KDM4C: variants seen among roughly 807,000 people sequenced by gnomAD.
KDM4C encodes the protein lysine-specific demethylase 4C.
Under a neutral mutation model 129.3 loss-of-function variants are expected in KDM4C, and 81 were observed. The ratio of observed to expected loss-of-function variants is 0.63; its 90% CI spans 0.52 to 0.75. KDM4C has a LOEUF of 0.75. Among genes scored for constraint, KDM4C ranks in the 30% least tolerant of loss-of-function variants. The probability of loss-of-function intolerance (pLI) is 0.00; values close to 1 mark genes in which losing one functional copy is unlikely to be tolerated. For missense variants in KDM4C, 1,457 were observed against 1,304.0 expected, an observed-to-expected ratio of 1.12 and a Z score of -1.81; for synonymous variants, 573 against 456.1, an observed-to-expected ratio of 1.26 and a Z score of -3.26.
chr9:6,746,627 C>A (rs1393891664), intron 1 of KDM4C, among the ~76,000 whole-genome samples: 1 of 151,314 alleles, frequency 6.6e-6, no homozygotes, highest in African/African-American at 2.4e-5. Flanking sequence ...CGCCCGAAAT[C>A]CCAGCACTTT....
At chr9:6,764,330 ACT>A (rs1179632046) in intron 1 of KDM4C, among the ~76,000 whole-genome samples, 4 of 152,098 alleles carry the variant, frequency 2.6e-5, no homozygotes, top group African/African-American at 9.7e-5. Context: ...GTGCTAAATA[ACT>A]CTTTTCCCTT....
intron 1 of KDM4C, chr9:6,726,907 G>C (rs1040571446): frequency 6.6e-6 from 1 of 151,884 alleles, no homozygotes; most frequent in African/African-American, 2.4e-5. Context: ...GGCTAATTTT[G>C]TATTTTTAGT....
chr9:7,039,512 G>A (rs1039114044), intron 15 of KDM4C, among the ~76,000 whole-genome samples: 1 of 151,928 alleles, frequency 6.6e-6, no homozygotes, highest in Non-Finnish European at 1.5e-5. Context: ...CAACATGGAA[G>A]TCAGAGGTGC....
chr9:6,777,462 G>A (rs532930636), intron 1 of KDM4C, among the ~76,000 whole-genome samples: 1 of 152,310 alleles, frequency 6.6e-6, no homozygotes, highest in Non-Finnish European at 1.5e-5. Context: ...GGGGCTGTGG[G>A]AGGACTTTTA....
chr9:7,157,461 G>T (rs899418426), intron 19 of KDM4C, among the ~76,000 whole-genome samples: 1 of 152,124 alleles, frequency 6.6e-6, no homozygotes. Context: ...TCCAGTTTTT[G>T]TCCATTCATT....
chr9:6,740,410 A>G (rs1261459576), intron 1 of KDM4C, among the ~76,000 whole-genome samples: 18 of 151,550 alleles, frequency 1.2e-4, no homozygotes, highest in Admixed American at 9.2e-4. Flanking sequence ...TCACCGTGTT[A>G]GCCAGGATGG....
chr9:7,150,467 A>G (rs943009053), intron 19 of KDM4C, among the ~76,000 whole-genome samples: 1 of 152,178 alleles, frequency 6.6e-6, no homozygotes. Flanking sequence ...GCAGATATTC[A>G]TGTGTGTATT....
intron 2 of KDM4C, among the ~76,000 whole-genome samples, chr9:6,805,276 AG>A (rs147095989): frequency 0.016 from 2,443 of 152,292 alleles, 85 homozygotes; most frequent in African/African-American, 0.055. Flanking sequence ...TTTCAGCTCA[AG>A]TAGTCTTTAG....
chr9:6,889,359 A>C (rs989267749), intron 7 of KDM4C, among the ~76,000 whole-genome samples: 3 of 152,010 alleles, frequency 2.0e-5, no homozygotes, highest in African/African-American at 7.2e-5. Flanking sequence ...TGCAGCAGTC[A>C]CGCACAAGAT....
intron 4 of KDM4C, among the ~76,000 whole-genome samples, chr9:6,823,821 G>C (rs1223830322): frequency 6.6e-6 from 1 of 152,166 alleles, no homozygotes; most frequent in Non-Finnish European, 1.5e-5. Flanking sequence ...ATATCTGATG[G>C]GCCTCCTTCC....
intron 1 of KDM4C, among the ~76,000 whole-genome samples, chr9:6,746,432 C>A (rs1360138856): frequency 2.7e-5 from 4 of 150,468 alleles, no homozygotes; most frequent in Non-Finnish European, 5.9e-5. Flanking sequence ...CAACGCCCGG[C>A]TAATTTTTGT....
intron 3 of KDM4C, among the ~76,000 whole-genome samples, chr9:6,811,959 C>G (rs765057586): frequency 1.3e-5 from 2 of 152,190 alleles, no homozygotes; most frequent in Non-Finnish European, 2.9e-5. Context: ...AGGAAGGACT[C>G]TGATCAGTTA....
chr9:6,737,277 C>T (rs1817553452), intron 1 of KDM4C, among the ~76,000 whole-genome samples: 1 of 151,904 alleles, frequency 6.6e-6, no homozygotes, highest in South Asian at 2.1e-4. Flanking sequence ...TATTTGCAAA[C>T]TATGCATCCA....
chr9:6,939,976 A>ACCTACCTTCCTTCCTTCCTT (rs1458974643), intron 8 of KDM4C, among the ~76,000 whole-genome samples: 116 of 93,522 alleles, frequency 1.2e-3, no homozygotes, highest in Non-Finnish European at 1.9e-3. Flanking sequence ...CTACCTACCT[A>ACCTACCTTCCTTCCTTCCTT]CCTTCCTTCC....
At chr9:6,865,650 T>A (rs1248834587) in intron 5 of KDM4C, among the ~76,000 whole-genome samples, 1 of 152,204 alleles carries the variant, frequency 6.6e-6, no homozygotes, top group Admixed American at 6.5e-5. Flanking sequence ...CACTGTAACC[T>A]CCGCCTCCCA....
At chr9:6,856,279 T>G (rs75648963) in intron 5 of KDM4C, among the ~76,000 whole-genome samples, 9,939 of 152,256 alleles carry the variant, frequency 0.065, 468 homozygotes, top group South Asian at 0.18. Context: ...AATTTTTCTA[T>G]TTAGTAACTT....
chr9:7,011,991 C>A, intron 13 of KDM4C, 112 bp downstream of exon 13: 1 of 804,358 alleles, frequency 1.2e-6, no homozygotes, highest in Non-Finnish European at 2.0e-6. Flanking sequence ...AGAAGGAAGA[C>A]GTCCTTAGGT....
At chr9:7,108,117 C>T (rs193271769) in intron 18 of KDM4C, among the ~76,000 whole-genome samples, 4 of 152,254 alleles carry the variant, frequency 2.6e-5, no homozygotes, top group East Asian at 3.9e-4. Context: ...TGGCAGCTCC[C>T]GTTCTAGAAA....
chr9:7,025,889 C>G (rs1327219994), intron 15 of KDM4C, among the ~76,000 whole-genome samples: 1 of 152,098 alleles, frequency 6.6e-6, no homozygotes, highest in Non-Finnish European at 1.5e-5. Flanking sequence ...TATTACTCAT[C>G]AACTTCCTTT....
Sources: gnomAD v4.1 joint callset for allele counts (sites outside exome capture counted in the v4.1 genomes callset) on GRCh38, gnomAD v4.1.1 for gene constraint, MANE v1.5 for transcripts, NCBI Gene and HGNC (gene_info 2026-07-23, HGNC 2026-07-21) for gene names.